NR3C2: variants seen among roughly 807,000 people sequenced by gnomAD.
NR3C2 encodes nuclear receptor subfamily 3 group C member 2.
Under a neutral mutation model 86.4 loss-of-function variants are expected in NR3C2, and 15 were observed. That is an observed-to-expected ratio of 0.17 (90% CI 0.12 to 0.27). The LOEUF is 0.27. Ranked by LOEUF, NR3C2 falls within the 10% of genes least tolerant of loss-of-function variation. NR3C2 has a pLI of 1.00. For synonymous variants in NR3C2, 458 were observed against 450.5 expected, an observed-to-expected ratio of 1.02 and a Z score of -0.21; for missense variants, 960 against 1,195.6, an observed-to-expected ratio of 0.80 and a Z score of 2.91.
intron 2 of NR3C2, among the ~76,000 whole-genome samples, chr4:148,433,594 C>T (rs1749900491): frequency 6.6e-6 from 1 of 152,110 alleles, no homozygotes; most frequent in South Asian, 2.1e-4. Context: ...TTTAAATTGT[C>T]TTAACTACCT....
In NR3C2 at chr4:148,116,522, G is replaced by C. The variant is rs1578899861; in HGVS notation, c.2642-2261C>G. Among the ~76,000 whole-genome samples the C allele has an allele frequency of 2.0e-5, 3 of 152,310 alleles. No homozygotes were observed. In the South Asian group the frequency reaches 6.2e-4, roughly 32 times the overall value. On this transcript the variant is annotated intron_variant, in intron 7 of 8. Coordinates refer to ENST00000358102, the MANE Select transcript of NR3C2 (RefSeq NM_000901.5). ...CTGTCTGCTTTCCTCAAGAACATGA[G>C]AGCCTCTGATGTCAGTCCCGAAAAA... is the stretch of plus-strand genomic sequence containing the variant.
intron 7 of NR3C2, among the ~76,000 whole-genome samples, chr4:148,117,867 G>A (rs558071812): frequency 6.6e-6 from 1 of 152,176 alleles, no homozygotes; most frequent in East Asian, 1.9e-4. Flanking sequence ...TGTTTCAGGG[G>A]CCCATGGCAA....
At chr4:148,424,111 T>A (rs1749415095) in intron 2 of NR3C2, among the ~76,000 whole-genome samples, 2 of 152,142 alleles carry the variant, frequency 1.3e-5, no homozygotes, top group East Asian at 1.9e-4. Flanking sequence ...CTCAAAAAGA[T>A]GAAAAACACA....
At chr4:148,295,971 T>G (rs1178735806) in intron 2 of NR3C2, among the ~76,000 whole-genome samples, 3 of 136,246 alleles carry the variant, frequency 2.2e-5, no homozygotes, top group Admixed American at 1.7e-4. Flanking sequence ...ATGGCAAACA[T>G]GGAACACAGA....
At chr4:148,261,516 A>G (rs1468157910) in intron 2 of NR3C2, among the ~76,000 whole-genome samples, 1 of 152,228 alleles carries the variant, frequency 6.6e-6, no homozygotes, top group Non-Finnish European at 1.5e-5. Context: ...GAATAAAGGA[A>G]TTACAAAACA....
At chr4:148,442,844 T>G, upstream of NR3C2, 2 of 985,416 alleles carry the variant, frequency 2.0e-6, no homozygotes, top group Non-Finnish European at 2.4e-6. Flanking sequence ...CACCCTGCTC[T>G]CCTTCTGACC....
At chr4:148,280,397 A>T (rs563268796) in intron 2 of NR3C2, among the ~76,000 whole-genome samples, 1 of 152,352 alleles carries the variant, frequency 6.6e-6, no homozygotes, top group African/African-American at 2.4e-5. Context: ...TACCGAAAAG[A>T]ATGTCAATTA....
chr4:148,305,792 T>C (rs1396873888), intron 2 of NR3C2, among the ~76,000 whole-genome samples: 1 of 152,212 alleles, frequency 6.6e-6, no homozygotes, highest in Non-Finnish European at 1.5e-5. Flanking sequence ...CTGCTACTAT[T>C]AAAACAGGTG....
intron 3 of NR3C2, among the ~76,000 whole-genome samples, chr4:148,227,199 T>A (rs545984011): frequency 4.9e-4 from 74 of 152,312 alleles, no homozygotes; most frequent in African/African-American, 1.8e-3. Flanking sequence ...AGTTTTTGTT[T>A]TCATGACCTT....
At chr4:148,410,919 C>T (rs7698307) in intron 2 of NR3C2, among the ~76,000 whole-genome samples, 20,838 of 152,078 alleles carry the variant, frequency 0.14, 1,700 homozygotes, top group African/African-American at 0.22. Flanking sequence ...ACACAGAACA[C>T]GTATAGTCAC....
intron 7 of NR3C2, among the ~76,000 whole-genome samples, chr4:148,119,105 T>C (rs1274329160): frequency 2.6e-5 from 4 of 152,194 alleles, no homozygotes; most frequent in African/African-American, 9.7e-5. Flanking sequence ...GCCCACCTAA[T>C]GAAGTTCAGA....
chr4:148,154,488 G>A lies in NR3C2; in HGVS notation c.2365+63C>T, dbSNP rs1560949716. 62 of 1,469,098 alleles carry A rather than the reference G, an allele frequency of 4.2e-5. 1 individual carries two copies. In the South Asian group the frequency reaches 5.7e-4, roughly 13 times the overall value. 91.0% of individuals were successfully genotyped at this position (1,469,098 alleles called of 1,614,324 possible). ...CTCCTCCTGCATGGTTGGAGATGGC[G>A]AAGTCAGTTGCCCAGACTTGTTAAG... On this transcript the variant is annotated intron_variant, in intron 5 of 8. Coordinates refer to ENST00000358102, the MANE Select transcript of NR3C2 (RefSeq NM_000901.5).
chr4:148,428,982 C>T (rs1247071529), intron 2 of NR3C2, among the ~76,000 whole-genome samples: 1 of 152,114 alleles, frequency 6.6e-6, no homozygotes, highest in East Asian at 1.9e-4. Context: ...TAGCCTCTTC[C>T]AGGTTTTCTC....
intron 8 of NR3C2, among the ~76,000 whole-genome samples, chr4:148,093,964 AATAG>A (rs1240985449): frequency 2.0e-5 from 3 of 152,378 alleles, no homozygotes; most frequent in East Asian, 1.9e-4. Flanking sequence ...TAATATTCAG[AATAG>A]ATAAAGAACA....
At chr4:148,422,399 A>G (rs908776359) in intron 2 of NR3C2, among the ~76,000 whole-genome samples, 1 of 152,142 alleles carries the variant, frequency 6.6e-6, no homozygotes, top group African/African-American at 2.4e-5. Context: ...CTCTCAGGAT[A>G]TAATTTCCAT....
intron 8 of NR3C2, among the ~76,000 whole-genome samples, chr4:148,090,256 T>G (rs1028805736): frequency 6.6e-6 from 1 of 152,128 alleles, no homozygotes; most frequent in Non-Finnish European, 1.5e-5. Flanking sequence ...GTGCTGCTAG[T>G]GTGACGAGGG....
At chr4:148,314,976 A>G (rs759925802) in intron 2 of NR3C2, among the ~76,000 whole-genome samples, 23 of 152,238 alleles carry the variant, frequency 1.5e-4, no homozygotes, top group Non-Finnish European at 2.5e-4. Flanking sequence ...AATGACATGT[A>G]TTTTTAAAGT....
intron 2 of NR3C2, among the ~76,000 whole-genome samples, chr4:148,323,468 C>G (rs1743754332): frequency 6.9e-6 from 1 of 144,740 alleles, no homozygotes; most frequent in Non-Finnish European, 1.5e-5. Context: ...GCGGGCGCCC[C>G]TCCCCCAGCC....
At chr4:148,371,427 G>A (rs1210002865) in intron 2 of NR3C2, among the ~76,000 whole-genome samples, 1 of 152,120 alleles carries the variant, frequency 6.6e-6, no homozygotes, top group Non-Finnish European at 1.5e-5. Flanking sequence ...ATAAATGCTT[G>A]AGACCCCCTT....
Sources: allele counts gnomAD v4.1 joint callset (sites outside exome capture counted in the v4.1 genomes callset), GRCh38; gene constraint gnomAD v4.1.1; transcripts MANE v1.5; gene names NCBI Gene and HGNC (gene_info 2026-07-23, HGNC 2026-07-21).